The following CHN2 variants were observed in gnomAD, a reference collection of about 807,000 sequenced individuals.
CHN2 encodes beta-chimaerin.
In CHN2, 35 loss-of-function variants were observed where a neutral mutation model predicts 56.3. That is an observed-to-expected ratio of 0.62 (90% CI 0.47 to 0.82). The LOEUF (loss-of-function observed/expected upper bound fraction) is 0.82, where lower values mean the gene tolerates loss of function less well. Among genes scored for constraint, CHN2 ranks in the 40% least tolerant of loss-of-function variants. The pLI, the probability that CHN2 is intolerant of heterozygous loss-of-function variation, is 0.00. For synonymous variants in CHN2, 210 were observed against 212.8 expected (o/e 0.99, Z 0.12); for missense variants, 491 against 580.5 (o/e 0.85, Z 1.58).
At chr7:29,323,333 A>G (rs1347391077) in intron 1 of CHN2, among the ~76,000 whole-genome samples, 1 of 152,098 alleles carries the variant, frequency 6.6e-6, no homozygotes, top group East Asian at 1.9e-4. Flanking sequence ...GTCTTACATG[A>G]TGAGGTTTTG....
chr7:29,346,676 G>A (rs1276879448), intron 1 of CHN2, among the ~76,000 whole-genome samples: 1 of 152,032 alleles, frequency 6.6e-6, no homozygotes, highest in Non-Finnish European at 1.5e-5. Context: ...TCTCTACATC[G>A]GTGAAACTTT....
At chr7:29,374,236 C>T (rs1276479910) in intron 3 of CHN2, among the ~76,000 whole-genome samples, 1 of 152,198 alleles carries the variant, frequency 6.6e-6, no homozygotes, top group South Asian at 2.1e-4. Context: ...CTGATGCTGT[C>T]AGGCCTTTTT....
At chr7:29,202,697 G>T (rs1181025133) in intron 1 of CHN2, among the ~76,000 whole-genome samples, 1 of 152,218 alleles carries the variant, frequency 6.6e-6, no homozygotes, top group Non-Finnish European at 1.5e-5. Flanking sequence ...CCAGTTCCTG[G>T]ATTTTATCGG....
intron 2 of CHN2, among the ~76,000 whole-genome samples, chr7:29,153,022 G>A (rs1033773415): frequency 2.0e-5 from 3 of 152,266 alleles, no homozygotes; most frequent in Non-Finnish European, 4.4e-5. Context: ...AGGGAAGGAT[G>A]TCCAGGAGAA....
At chr7:29,439,064 C>G (rs1014549715) in intron 6 of CHN2, among the ~76,000 whole-genome samples, 3 of 152,182 alleles carry the variant, frequency 2.0e-5, no homozygotes, top group African/African-American at 7.2e-5. Flanking sequence ...ATTCATCCTA[C>G]AAAACCTACT....
chr7:29,223,487 GA>G (rs535381497), intron 1 of CHN2, among the ~76,000 whole-genome samples: 5 of 152,004 alleles, frequency 3.3e-5, no homozygotes, highest in Non-Finnish European at 7.4e-5. Flanking sequence ...GCCTGTTTTT[GA>G]ATTTTATATG....
At chr7:29,422,165 C>T (rs1008321564) in intron 6 of CHN2, among the ~76,000 whole-genome samples, 1 of 151,864 alleles carries the variant, frequency 6.6e-6, no homozygotes, top group Non-Finnish European at 1.5e-5. Flanking sequence ...CTTTCTCTTC[C>T]GGGTCAAGTG....
chr7:29,512,711 A>G lies in CHN2; in HGVS notation c.1383A>G (p.Ile461Met), dbSNP rs1170873888. 1 of 1,614,202 alleles carries G rather than the reference A, an allele frequency of 6.2e-7. No individual in the cohort carries two copies. The highest frequency in any genetic ancestry group is 8.5e-7 in the Non-Finnish European group (1 of 1,180,018). ...AAAAGCTGATTGTGCAGATTTTAATAGAAAACGAAGACGTTTTATTCTAAT... is the reference window on the plus strand; with the variant it reads ...AAAAGCTGATTGTGCAGATTTTAATGGAAAACGAAGACGTTTTATTCTAAT... Reference protein sequence around the residue: ...RYQKLIVQILIENEDVLF With the variant: ...RYQKLIVQILMENEDVLF Residue 461 changes from isoleucine (I) to methionine (M), a missense_variant, in exon 13 of 13, where the codon ATA becomes ATG. Physicochemically the swap from Ile to Met is conservative, Grantham distance 10. Transcript: ENST00000222792.
At chr7:29,495,850 CAGTGGGGGATCGCT>C in intron 7 of CHN2, 88 bp from the exon 8 acceptor site, 5 of 872,178 alleles carry the variant, frequency 5.7e-6, no homozygotes, top group Non-Finnish European at 9.4e-6. Flanking sequence ...AGGAAAAGCC[CAGTGGGGGATCGCT>C]CCTGCTGATC....
At chr7:29,166,800 C>A (rs1350524044) in intron 2 of CHN2, among the ~76,000 whole-genome samples, 1 of 151,958 alleles carries the variant, frequency 6.6e-6, no homozygotes, top group Non-Finnish European at 1.5e-5. Context: ...TCTCAAAAAA[C>A]CAGTTTTTTA....
At chr7:29,410,665 G>C (rs1332927530) in intron 6 of CHN2, among the ~76,000 whole-genome samples, 2 of 152,022 alleles carry the variant, frequency 1.3e-5, no homozygotes, top group Non-Finnish European at 2.9e-5. Context: ...AATTAGGGGA[G>C]TTTGTCTTTT....
intron 7 of CHN2, 89 bp downstream of exon 7, chr7:29,480,445 A>T: frequency 7.5e-7 from 1 of 1,335,938 alleles, no homozygotes; most frequent in East Asian, 2.3e-5. Flanking sequence ...CTGACTGTAA[A>T]GTCAAGAGAC....
intron 1 of CHN2, among the ~76,000 whole-genome samples, chr7:29,261,989 G>GA (rs1789591807): frequency 6.6e-6 from 1 of 152,128 alleles, no homozygotes; most frequent in African/African-American, 2.4e-5. Context: ...CCAACATGGT[G>GA]AAACTTCATC....
intron 2 of CHN2, among the ~76,000 whole-genome samples, chr7:29,362,507 C>T (rs1403195906): frequency 6.6e-6 from 1 of 152,172 alleles, no homozygotes. Context: ...AAACATGTGA[C>T]TGTCCCTTTG....
Position 29,420,007 on chromosome 7 carries a change from C to T in CHN2, c.576+19179C>T, listed in dbSNP as rs1202593355. Among the ~76,000 whole-genome samples, 94 of 150,956 alleles carry T rather than the reference C, an allele frequency of 6.2e-4. 1 individual carries two copies. Among genetic ancestry groups the T allele is most frequent in the Non-Finnish European group, 1.2e-4 (8 of 67,910 alleles). On this transcript the variant is annotated intron_variant, in intron 6 of 12. Transcript: ENST00000222792. The stretch of plus-strand genomic sequence containing the variant: ...CCCAGGAGGCAGAGGTTGCAGTGAG[C>T]CAAGATCATGCCACTGCACTCCAGC...
intron 6 of CHN2, among the ~76,000 whole-genome samples, chr7:29,459,527 C>T (rs906093799): frequency 6.6e-6 from 1 of 152,142 alleles, no homozygotes; most frequent in Non-Finnish European, 1.5e-5. Flanking sequence ...GGTGGAGAGC[C>T]CACAGTTGCC....
chr7:29,415,451 T>C (rs1803637596), intron 6 of CHN2, among the ~76,000 whole-genome samples: 1 of 152,176 alleles, frequency 6.6e-6, no homozygotes, highest in African/African-American at 2.4e-5. Context: ...CTATTTTGGG[T>C]GGAGTTTCTG....
intron 3 of CHN2, among the ~76,000 whole-genome samples, chr7:29,389,721 G>T (rs1012668208): frequency 2.6e-4 from 39 of 152,144 alleles, no homozygotes; most frequent in Non-Finnish European, 7.3e-5. Context: ...TCTTGTAGAT[G>T]ATGCTTATTT....
chr7:29,257,348 T>TA (rs1382887638), intron 1 of CHN2, among the ~76,000 whole-genome samples: 2 of 152,136 alleles, frequency 1.3e-5, no homozygotes, highest in Admixed American at 6.5e-5. Flanking sequence ...GCACATGTAT[T>TA]AAAAAAACCA....
Sources: gnomAD v4.1 joint callset for allele counts (sites outside exome capture counted in the v4.1 genomes callset) on GRCh38, gnomAD v4.1.1 for gene constraint, MANE v1.5 for transcripts, NCBI Gene and HGNC (gene_info 2026-07-23, HGNC 2026-07-21) for gene names.